The following HECW1 variants were observed in gnomAD, a reference collection of about 807,000 sequenced individuals.
HECW1 encodes the protein E3 ubiquitin-protein ligase HECW1.
In HECW1, 61 loss-of-function variants were observed where a neutral mutation model predicts 182.3. That is an observed-to-expected ratio of 0.33 (90% CI 0.27 to 0.41). The LOEUF (loss-of-function observed/expected upper bound fraction) is 0.41. HECW1 is among the 10% of genes least tolerant of loss of function. The probability of loss-of-function intolerance (pLI) is 1.00; values close to 1 mark genes in which losing one functional copy is unlikely to be tolerated. For missense variants in HECW1, 1,739 were observed against 2,108.9 expected (o/e 0.82, Z 3.44); for synonymous variants, 859 against 832.6 (o/e 1.03, Z -0.55).
At chr7:43,299,350 G>A (rs1317395830) in intron 3 of HECW1, among the ~76,000 whole-genome samples, 2 of 152,174 alleles carry the variant, frequency 1.3e-5, no homozygotes, top group South Asian at 2.1e-4. Context: ...TGCATCTTTG[G>A]TGTATCAGAG....
chr7:43,237,782 A>T (rs1447613536), intron 2 of HECW1, among the ~76,000 whole-genome samples: 1 of 152,130 alleles, frequency 6.6e-6, no homozygotes, highest in Non-Finnish European at 1.5e-5. Flanking sequence ...CTCAAGGATA[A>T]CTGGTGACAG....
chr7:43,515,993 A>T (rs1471086628), intron 24 of HECW1, among the ~76,000 whole-genome samples: 1 of 152,250 alleles, frequency 6.6e-6, no homozygotes, highest in African/African-American at 2.4e-5. Context: ...TATAGGAAAG[A>T]TTCACATTTA....
At chr7:43,263,992 A>G (rs1178317028) in intron 3 of HECW1, among the ~76,000 whole-genome samples, 1 of 152,192 alleles carries the variant, frequency 6.6e-6, no homozygotes, top group African/African-American at 2.4e-5. Flanking sequence ...ACAAATATAT[A>G]TTTGCGGGAT....
At chr7:43,274,486 G>A (rs1226827633) in intron 3 of HECW1, 1 of 618,756 alleles carries the variant, frequency 1.6e-6, no homozygotes, top group Non-Finnish European at 3.0e-6. Context: ...CCGCACCCAG[G>A]CCCACTGCAT....
intron 6 of HECW1, among the ~76,000 whole-genome samples, chr7:43,373,201 CTT>C (rs71562094): frequency 0.03 from 3,742 of 126,064 alleles, 87 homozygotes; most frequent in African/African-American, 0.096. Flanking sequence ...TGCCTTCTTC[CTT>C]TTTTTTTTTT....
chr7:43,122,923 G>A (rs376000354), intron 2 of HECW1, among the ~76,000 whole-genome samples: 8 of 151,878 alleles, frequency 5.3e-5, no homozygotes, highest in South Asian at 2.1e-4. Context: ...TATTTATTCC[G>A]AAAACATTTC....
intron 2 of HECW1, among the ~76,000 whole-genome samples, chr7:43,200,950 C>T (rs1484346747): frequency 1.3e-5 from 2 of 152,214 alleles, no homozygotes; most frequent in African/African-American, 4.8e-5. Context: ...CTCATTAACC[C>T]TTTCTTCATT....
At chr7:43,267,058 T>TGTGTTGG (rs1801880350) in intron 3 of HECW1, among the ~76,000 whole-genome samples, 1 of 152,156 alleles carries the variant, frequency 6.6e-6, no homozygotes, top group African/African-American at 2.4e-5. Context: ...TGTATGTAAT[T>TGTGTTGG]GTGTTGGGAG....
intron 2 of HECW1, among the ~76,000 whole-genome samples, chr7:43,126,458 G>A (rs1195569728): frequency 1.3e-5 from 2 of 152,132 alleles, no homozygotes; most frequent in Non-Finnish European, 1.5e-5. Flanking sequence ...TAAAGCTACT[G>A]CCATGCTATA....
rs548013092 is a variant in HECW1 at position 43,323,754 on chromosome 7, G to A, written c.460+3012G>A. Among the ~76,000 whole-genome samples, 10 of 152,286 alleles carry A rather than the reference G, an allele frequency of 6.6e-5. No homozygotes were observed. The East Asian group carries it at 7.7e-4, about 12-fold the overall frequency. On this transcript the variant is annotated intron_variant, in intron 5 of 29. Coordinates refer to ENST00000395891, the MANE Select transcript of HECW1 (RefSeq NM_015052.5). ...TAAAAAACAAATGGCTTGACCGTGC[G>A]CGGTGACTCATGCCTATAATCCCAG...
At chr7:43,179,109 G>A (rs1029748282) in intron 2 of HECW1, among the ~76,000 whole-genome samples, 1 of 152,150 alleles carries the variant, frequency 6.6e-6, no homozygotes, top group African/African-American at 2.4e-5. Context: ...CCTTTCCTCC[G>A]CAGTGAGAAA....
At chr7:43,232,703 C>T (rs376545944) in intron 2 of HECW1, among the ~76,000 whole-genome samples, 2 of 152,288 alleles carry the variant, frequency 1.3e-5, no homozygotes, top group East Asian at 1.9e-4. Flanking sequence ...GTGAACATCA[C>T]ATTTAATTGG....
In HECW1 at chr7:43,563,522, G is replaced by T. The variant is rs1484409697; in HGVS notation, c.*1596G>T. The T allele has an allele frequency of 3.6e-5, 7 of 195,556 alleles. No individual in the cohort carries two copies. In the Admixed American group the frequency reaches 4.3e-4, roughly 12 times the overall value. The allele number at this position is 195,556 out of a possible 1,614,324, so 12.1% of individuals were successfully genotyped here. A position where few individuals can be genotyped will look rare whatever the true frequency, so the allele number is the denominator to read the frequency against. On this transcript the variant is annotated 3_prime_UTR_variant, in exon 30 of 30. Transcript: ENST00000395891. ...GAAGTGAATTTCATATGAAGCCAAT[G>T]GCTCATTATACCAGTTTGTGTCTGG...
At chr7:43,314,104 A>T (rs1808886715) in intron 4 of HECW1, among the ~76,000 whole-genome samples, 1 of 152,162 alleles carries the variant, frequency 6.6e-6, no homozygotes, top group Non-Finnish European at 1.5e-5. Flanking sequence ...ATGAGCCACC[A>T]TGCCCAGCCC....
intron 2 of HECW1, among the ~76,000 whole-genome samples, chr7:43,153,762 A>T (rs1174431685): frequency 6.6e-6 from 1 of 152,204 alleles, no homozygotes; most frequent in East Asian, 1.9e-4. Context: ...AATGCTTTGT[A>T]TAGTAAACAT....
At chr7:43,276,932 C>A (rs772394966) in intron 3 of HECW1, among the ~76,000 whole-genome samples, 3 of 152,222 alleles carry the variant, frequency 2.0e-5, no homozygotes, top group African/African-American at 7.2e-5. Context: ...GAAATACAGG[C>A]GTCTCTAATC....
intron 3 of HECW1, among the ~76,000 whole-genome samples, chr7:43,291,157 G>T (rs1805352111): frequency 6.6e-6 from 1 of 152,214 alleles, no homozygotes; most frequent in African/African-American, 2.4e-5. Flanking sequence ...CATAAATTTA[G>T]TTCTCTCAGC....
At chr7:43,205,867 C>T (rs2152692056) in intron 2 of HECW1, among the ~76,000 whole-genome samples, 1 of 152,214 alleles carries the variant, frequency 6.6e-6, no homozygotes. Context: ...ATTTGTGGTC[C>T]ACAGTGCAGG....
Position 43,445,560 on chromosome 7 carries a change from T to C in HECW1, c.2388T>C (p.Asn796=). ...GLESPVAGPS[N]RREGECPILH... The stretch of plus-strand genomic sequence containing the variant: ...AATCCCCCGTGGCAGGTCCAAGCAA[T>C]CGGAGAGAAGGTTAGACCTCAAACC... The change falls in exon 11 of 30, where the codon AAT becomes AAC. Residue 796 remains asparagine, a synonymous_variant. Transcript: ENST00000395891. 6.3e-7 allele frequency: 1 copy of C among 1,588,880 alleles called. No individual in the cohort carries two copies. Among genetic ancestry groups the C allele is most frequent in the East Asian group, 2.3e-5 (1 of 44,212 alleles).
Sources: gnomAD v4.1 joint callset for allele counts (sites outside exome capture counted in the v4.1 genomes callset) on GRCh38, gnomAD v4.1.1 for gene constraint, MANE v1.5 for transcripts, NCBI Gene and HGNC (gene_info 2026-07-23, HGNC 2026-07-21) for gene names.